The following PRKN variants were observed in gnomAD, a reference collection of about 807,000 sequenced individuals.
PRKN encodes the protein E3 ubiquitin-protein ligase parkin.
Under a neutral mutation model 59.5 loss-of-function variants are expected in PRKN, and 56 were observed. The ratio of observed to expected loss-of-function variants is 0.94; its 90% CI spans 0.76 to 1.18. PRKN has a LOEUF of 1.18. Ranked by LOEUF, PRKN falls within the 50% of genes most tolerant of loss-of-function variation. PRKN has a pLI of 0.00. For missense variants in PRKN, 657 were observed against 596.4 expected, an observed-to-expected ratio of 1.10 and a Z score of -1.06; for synonymous variants, 250 against 222.1, an observed-to-expected ratio of 1.13 and a Z score of -1.12.
chr6:161,397,696 T>C lies in PRKN; in HGVS notation c.1084-10819A>G, dbSNP rs150834886. Among the ~76,000 whole-genome samples the C allele has an allele frequency of 6.6e-6, 1 of 152,216 alleles. No individual in the cohort carries two copies. The highest frequency in any genetic ancestry group is 2.4e-5 in the African/African-American group (1 of 41,516). ...TGGCAATCATCAAACCTTTGCAGAA[T>C]AAACAAGCAGTAGTAGCTGGAAAAG... On this transcript the variant is annotated intron_variant, in intron 9 of 11. Transcript: ENST00000366898. This position sits in a 1 kb window ranked among gnomAD's most constrained non-coding sequence, Gnocchi z 4.2.
At chr6:161,662,162 A>G (rs1459799969) in intron 7 of PRKN, among the ~76,000 whole-genome samples, 1 of 152,212 alleles carries the variant, frequency 6.6e-6, no homozygotes, top group Non-Finnish European at 1.5e-5. Flanking sequence ...AAAATTCTTC[A>G]GTAAGCCATC....
intron 1 of PRKN, among the ~76,000 whole-genome samples, chr6:162,566,444 C>T (rs1321450281): frequency 1.3e-5 from 2 of 151,758 alleles, no homozygotes; most frequent in African/African-American, 2.4e-5. Context: ...AAATGAAAAA[C>T]GAAACATTGC....
intron 6 of PRKN, among the ~76,000 whole-genome samples, chr6:161,911,324 C>G (rs9347563): frequency 0.57 from 87,356 of 151,934 alleles, 25,460 homozygotes; most frequent in African/African-American, 0.68. Context: ...ACTTACAGTT[C>G]AGCCCACCAA....
intron 2 of PRKN, among the ~76,000 whole-genome samples, chr6:162,315,617 C>G (rs190213699): frequency 2.0e-5 from 3 of 152,254 alleles, no homozygotes; most frequent in Admixed American, 1.3e-4. Flanking sequence ...GATGTTAATA[C>G]CAGATTTACT....
chr6:162,217,645 C>G (rs895802705), intron 3 of PRKN, among the ~76,000 whole-genome samples: 1 of 152,042 alleles, frequency 6.6e-6, no homozygotes, highest in African/African-American at 2.4e-5. Context: ...GCCCACCTCG[C>G]CCTCCCAAAG....
chr6:162,466,827 A>C (rs1330283361), intron 1 of PRKN, among the ~76,000 whole-genome samples: 4 of 151,870 alleles, frequency 2.6e-5, no homozygotes, highest in Admixed American at 2.0e-4. Context: ...CCATTTATTA[A>C]AGGCTAGGTG....
intron 2 of PRKN, among the ~76,000 whole-genome samples, chr6:162,394,022 T>C (rs1346920613): frequency 6.6e-6 from 1 of 152,170 alleles, no homozygotes; most frequent in Non-Finnish European, 1.5e-5. Flanking sequence ...TAGCAAAGCA[T>C]TATATATTTT....
At chr6:161,536,649 T>A (rs2115397825) in intron 9 of PRKN, among the ~76,000 whole-genome samples, 1 of 152,296 alleles carries the variant, frequency 6.6e-6, no homozygotes, top group African/African-American at 2.4e-5. Flanking sequence ...GTCGGTTTCA[T>A]GCTGGCTATT....
At chr6:161,903,595 A>G (rs1269487877) in intron 6 of PRKN, among the ~76,000 whole-genome samples, 1 of 152,080 alleles carries the variant, frequency 6.6e-6, no homozygotes, top group Non-Finnish European at 1.5e-5. Context: ...TAGAGTCAGA[A>G]ATACAGGGAA....
At chr6:161,537,686 C>G (rs201389927) in intron 9 of PRKN, among the ~76,000 whole-genome samples, 1 of 152,094 alleles carries the variant, frequency 6.6e-6, no homozygotes, top group Non-Finnish European at 1.5e-5. Context: ...CTCCTGACCT[C>G]GTGATCCGCC....
intron 2 of PRKN, among the ~76,000 whole-genome samples, chr6:162,382,462 T>C (rs918654057): frequency 1.3e-5 from 2 of 152,216 alleles, no homozygotes; most frequent in African/African-American, 4.8e-5. Context: ...ATTTATACAA[T>C]GCTGTAGTCT....
intron 2 of PRKN, among the ~76,000 whole-genome samples, chr6:162,327,906 C>CT (rs1287159954): frequency 2.6e-5 from 4 of 152,126 alleles, no homozygotes; most frequent in African/African-American, 4.8e-5. Flanking sequence ...TCACCAGAGT[C>CT]TTCCCCAGCG....
At position 162,498,436 on chromosome 6, in the gene PRKN, TTTC is replaced by T. The variant is rs1281577942; in HGVS notation, c.8-54966_8-54964del. Among the ~76,000 whole-genome samples the T allele has an allele frequency of 3.2e-3, 311 of 98,320 alleles. 41 individuals carry two copies. The highest frequency in any genetic ancestry group is 8.1e-3 in the African/African-American group (207 of 25,668). The allele number at this position is 98,320 out of a possible 152,430, so 64.5% of individuals were successfully genotyped here. A position where few individuals can be genotyped will look rare whatever the true frequency, so the allele number is the denominator to read the frequency against. On this transcript the variant is annotated intron_variant, in intron 1 of 11. Coordinates refer to ENST00000366898, the MANE Select transcript of PRKN (RefSeq NM_004562.3). ...TTTTTGAGATGGAGTTTCTTTCCTTTTTCTTTTTTTTTTTTTTTTTTTTTTTGA... is the reference window on the plus strand; with the variant it reads ...TTTTTGAGATGGAGTTTCTTTCCTTTTTTTTTTTTTTTTTTTTTTTTTTGA...
At chr6:161,962,919 T>C (rs1245072750) in intron 6 of PRKN, among the ~76,000 whole-genome samples, 1 of 151,630 alleles carries the variant, frequency 6.6e-6, no homozygotes, top group East Asian at 2.0e-4. Flanking sequence ...CTGAGGCCGG[T>C]GGATCACCTG....
At chr6:161,991,068 C>T (rs1003054692) in intron 5 of PRKN, among the ~76,000 whole-genome samples, 1 of 152,106 alleles carries the variant, frequency 6.6e-6, no homozygotes, top group African/African-American at 2.4e-5. Flanking sequence ...ACAGCAGAAA[C>T]CTTACAGGCA....
intron 5 of PRKN, among the ~76,000 whole-genome samples, chr6:162,017,746 G>A (rs1462077239): frequency 2.0e-5 from 3 of 152,216 alleles, no homozygotes; most frequent in Middle Eastern, 6.8e-3. Context: ...CTTCTGAAAC[G>A]TTGCCTGTCA....
At chr6:161,874,908 T>TTATAAAA (rs1483568487) in intron 6 of PRKN, among the ~76,000 whole-genome samples, 3 of 108,624 alleles carry the variant, frequency 2.8e-5, no homozygotes, top group South Asian at 2.8e-4. Flanking sequence ...ATAATATATA[T>TTATAAAA]TATAAAATAT....
At chr6:162,497,904 T>C (rs779967579) in intron 1 of PRKN, among the ~76,000 whole-genome samples, 1 of 152,184 alleles carries the variant, frequency 6.6e-6, no homozygotes, top group Non-Finnish European at 1.5e-5. Flanking sequence ...AGCTAGAAGA[T>C]TTGAAATGTT....
At chr6:161,351,129 TATATATTTATATTTAAAATATATATAA>T (rs1377864269) in intron 11 of PRKN, among the ~76,000 whole-genome samples, 1 of 128,872 alleles carries the variant, frequency 7.8e-6, no homozygotes, top group Non-Finnish European at 1.6e-5. Context: ...AATATATTTT[TATATATTTATATTTAAAATATATATAA>T]ATATATTTAT....
Sources: allele counts gnomAD v4.1 joint callset (sites outside exome capture counted in the v4.1 genomes callset), GRCh38; gene constraint gnomAD v4.1.1; non-coding constraint Gnocchi (gnomAD v3.1); transcripts MANE v1.5; gene names NCBI Gene and HGNC (gene_info 2026-07-23, HGNC 2026-07-21).